Variants in ATR observed in about 807,000 individuals in gnomAD.
ATR encodes ATR checkpoint kinase, also known as serine/threonine-protein kinase ATR.
In ATR, 142 loss-of-function variants were observed where a neutral mutation model predicts 305.3. The ratio of observed to expected loss-of-function variants is 0.47; its 90% CI spans 0.41 to 0.53. The LOEUF (loss-of-function observed/expected upper bound fraction) is 0.53. Ranked by LOEUF, ATR falls within the 20% of genes least tolerant of loss-of-function variation. ATR has a pLI of 0.00. For missense variants in ATR, 2,135 were observed against 3,133.1 expected (o/e 0.68, Z 7.60); for synonymous variants, 1,050 against 1,068.1 (o/e 0.98, Z 0.33).
At chr3:142,475,674 A>G (rs566038944) in intron 36 of ATR, among the ~76,000 whole-genome samples, 2 of 152,180 alleles carry the variant, frequency 1.3e-5, no homozygotes, top group Non-Finnish European at 1.5e-5. Context: ...AACCGCCACA[A>G]TGACTTCCAC....
intron 16 of ATR, among the ~76,000 whole-genome samples, chr3:142,544,021 A>C (rs1474910895): frequency 2.0e-5 from 3 of 152,076 alleles, no homozygotes; most frequent in Non-Finnish European, 4.4e-5. Flanking sequence ...CATGGGCTTT[A>C]AGTCAGCCAA....
intron 30 of ATR, among the ~76,000 whole-genome samples, chr3:142,502,287 T>C (rs572343776): frequency 6.6e-6 from 1 of 152,292 alleles, no homozygotes; most frequent in Non-Finnish European, 1.5e-5. Flanking sequence ...GCAGCACTAT[T>C]CATAATAGCA....
chr3:142,514,165 C>T (rs149905840), intron 25 of ATR, among the ~76,000 whole-genome samples: 248 of 151,524 alleles, frequency 1.6e-3, no homozygotes, highest in African/African-American at 5.6e-3. Context: ...TCCAGATACT[C>T]GGGAGGCTGA....
chr3:142,572,414 C>G (rs565223180), intron 1 of ATR, among the ~76,000 whole-genome samples: 1 of 121,506 alleles, frequency 8.2e-6, no homozygotes, highest in Admixed American at 9.6e-5. Context: ...ATTCAAACCA[C>G]AAAGTCCAAT....
intron 36 of ATR, chr3:142,471,951 T>C (rs2071281689): frequency 6.6e-6 from 1 of 152,214 alleles, no homozygotes; most frequent in African/African-American, 2.4e-5. Flanking sequence ...CATTTTTAGA[T>C]TCTACATATA....
At chr3:142,567,677 C>T (rs79480272) in intron 2 of ATR, among the ~76,000 whole-genome samples, 2,734 of 152,264 alleles carry the variant, frequency 0.018, 29 homozygotes, top group South Asian at 0.041. Flanking sequence ...AGGCATGAAC[C>T]TACTTAAAGA....
chr3:142,556,145 G>A lies in ATR; in HGVS notation c.2079-6C>T, dbSNP rs1338237994. On this transcript the variant is annotated splice_polypyrimidine_tract_variant and splice_region_variant and intron_variant, in intron 9 of 46. Coordinates refer to ENST00000350721, the MANE Select transcript of ATR (RefSeq NM_001184.4). ...AATCATCTTTGACTTTATCTCTGGG[G>A]AAAAAAAAGAAAAAGTACTAAACTT... 5.6e-6 allele frequency: 9 copies of A among 1,605,154 alleles called. No homozygotes were observed. The African/African-American group carries it at 6.8e-5, about 12-fold the overall frequency.
intron 40 of ATR, among the ~76,000 whole-genome samples, chr3:142,466,072 A>T (rs183921485): frequency 1.3e-5 from 2 of 152,046 alleles, no homozygotes; most frequent in African/African-American, 2.4e-5. Flanking sequence ...GATTATAGTC[A>T]TACTAAAACA....
At chr3:142,477,374 G>C (rs1158596112) in intron 36 of ATR, among the ~76,000 whole-genome samples, 2 of 152,172 alleles carry the variant, frequency 1.3e-5, no homozygotes, top group Admixed American at 1.3e-4. Context: ...CTTTGCTTCT[G>C]TTTATAGGAT....
In ATR at chr3:142,505,723, C is replaced by T. The variant is rs1577589544; in HGVS notation, c.5032-420G>A. 2.6e-5 allele frequency among the ~76,000 whole-genome samples: 4 copies of T among 152,148 alleles called. No individual in the cohort carries two copies. In the South Asian group the frequency reaches 8.3e-4, roughly 32 times the overall value. ...AAGAAAACCAAGACAGCAATCTGGG[C>T]TCAAAGGAGATATTCAAGCTAAAGA... On this transcript the variant is annotated intron_variant, in intron 28 of 46. Coordinates refer to ENST00000350721, the MANE Select transcript of ATR (RefSeq NM_001184.4).
intron 21 of ATR, among the ~76,000 whole-genome samples, chr3:142,528,750 A>G (rs891476187): frequency 1.7e-4 from 25 of 149,746 alleles, no homozygotes; most frequent in African/African-American, 4.2e-4. Context: ...TAATTATAAT[A>G]CAGTATACTA....
intron 39 of ATR, 65 bp downstream of exon 39, chr3:142,467,869 A>C: frequency 6.4e-7 from 1 of 1,568,956 alleles, no homozygotes; most frequent in South Asian, 1.2e-5. Flanking sequence ...AAATGAAAAA[A>C]TCTGCTCAAA....
intron 1 of ATR, 76 bp from the exon 2 acceptor site, chr3:142,568,230 A>G: frequency 1.8e-6 from 2 of 1,104,948 alleles, no homozygotes; most frequent in Non-Finnish European, 2.7e-6. Flanking sequence ...TCTAAAGTAG[A>G]ACTCATCAAA....
chr3:142,452,867 T>G, intron 46 of ATR: 1 of 1,310,824 alleles, frequency 7.6e-7, no homozygotes, highest in East Asian at 3.5e-5. Flanking sequence ...TCCTACTGTA[T>G]CTCATAACTG....
chr3:142,523,350 G>A (rs920171727), intron 22 of ATR, among the ~76,000 whole-genome samples: 4 of 152,030 alleles, frequency 2.6e-5, no homozygotes, highest in Non-Finnish European at 5.9e-5. Flanking sequence ...AATCCAGGAG[G>A]CAGAGGTTGC....
chr3:142,526,110 G>A (rs541266385), intron 21 of ATR, among the ~76,000 whole-genome samples: 1 of 151,960 alleles, frequency 6.6e-6, no homozygotes, highest in East Asian at 1.9e-4. Flanking sequence ...CAACTATATT[G>A]TTTTCCTGTT....
chr3:142,496,346 T>G lies in ATR; in HGVS notation c.5898+15A>C. 1 of 1,279,732 alleles carries G rather than the reference T, an allele frequency of 7.8e-7. No individual in the cohort carries two copies. Among genetic ancestry groups the G allele is most frequent in the Non-Finnish European group, 1.0e-6 (1 of 952,816 alleles). The allele number at this position is 1,279,732 out of a possible 1,614,324, so 79.3% of individuals were successfully genotyped here. ...TATATATATATATATATGATGACAT[T>G]TCCCTGGCCATTACCTTGGACCAGA... On this transcript the variant is annotated intron_variant, in intron 34 of 46. Transcript: ENST00000350721.
At chr3:142,555,558 C>T (rs1313610818) in intron 10 of ATR, among the ~76,000 whole-genome samples, 3 of 152,096 alleles carry the variant, frequency 2.0e-5, no homozygotes, top group Non-Finnish European at 1.5e-5. Flanking sequence ...ACAGGGGGCA[C>T]ATTAAGACGA....
intron 15 of ATR, among the ~76,000 whole-genome samples, chr3:142,548,203 G>A (rs1325526916): frequency 1.3e-5 from 2 of 152,050 alleles, no homozygotes; most frequent in East Asian, 3.9e-4. Context: ...ACTCATTATT[G>A]GGGACACACA....
Sources: gnomAD v4.1 joint callset for allele counts (sites outside exome capture counted in the v4.1 genomes callset) on GRCh38, gnomAD v4.1.1 for gene constraint, MANE v1.5 for transcripts, NCBI Gene and HGNC (gene_info 2026-07-23, HGNC 2026-07-21) for gene names.